The following QTGAL variants were observed in gnomAD, a reference collection of about 807,000 sequenced individuals.
QTGAL encodes queuosine-tRNA galactosyltransferase.
chr17:83,015,368 A>G, the QTGAL span, among the ~76,000 whole-genome samples: 2 of 152,266 alleles, frequency 1.3e-5, no homozygotes, highest in African/African-American at 4.8e-5. This position sits in a 1 kb window ranked among gnomAD's most constrained non-coding sequence, Gnocchi z 4.4. Context: ...ACACACACAG[A>G]CATGCTCACG....
chr17:82,964,838 A>G, the QTGAL span, among the ~76,000 whole-genome samples: 9 of 53,458 alleles, frequency 1.7e-4, 1 homozygote, highest in South Asian at 7.2e-4. Flanking sequence ...CCCCACGGGG[A>G]GGACGGGGAC....
At chr17:83,013,708 G>T in the QTGAL span, among the ~76,000 whole-genome samples, 2 of 152,122 alleles carry the variant, frequency 1.3e-5, no homozygotes, top group Admixed American at 6.5e-5. Flanking sequence ...ACAGCCCCGC[G>T]GGGGGAGGGC....
the QTGAL span, chr17:82,956,928 G>A: frequency 3.0e-6 from 3 of 1,016,894 alleles, no homozygotes; most frequent in Non-Finnish European, 4.5e-6. The surrounding 1 kb of genome is among the most constrained non-coding windows in gnomAD (Gnocchi z 5.7). Context: ...GGTGTTCAGA[G>A]CAGGAACCCG....
chr17:83,005,917 C>T, the QTGAL span: 1 of 1,337,734 alleles, frequency 7.5e-7, no homozygotes, highest in Non-Finnish European at 9.6e-7. This position sits in a 1 kb window ranked among gnomAD's most constrained non-coding sequence, Gnocchi z 5.6. Context: ...GCACTCAGCC[C>T]TGGCTCTGTT....
the QTGAL span, among the ~76,000 whole-genome samples, chr17:82,972,298 A>G: frequency 0.035 from 667 of 19,154 alleles, 3 homozygotes; most frequent in African/African-American, 0.086. Context: ...AGGACCTGGT[A>G]CTGACCACAC....
chr17:82,981,462 G>A, the QTGAL span: 1 of 152,226 alleles, frequency 6.6e-6, no homozygotes, highest in African/African-American at 2.4e-5. Flanking sequence ...TTTCCAGGCT[G>A]GCTGAAAAAT....
At chr17:83,005,727 TC>T in the QTGAL span, 1 of 744,356 alleles carries the variant, frequency 1.3e-6, no homozygotes, top group Non-Finnish European at 2.3e-6. The surrounding 1 kb of genome is among the most constrained non-coding windows in gnomAD (Gnocchi z 5.6). Flanking sequence ...GACAACCCTC[TC>T]CCCGGGCATC....
At chr17:82,973,678 C>T in the QTGAL span, among the ~76,000 whole-genome samples, 2 of 152,174 alleles carry the variant, frequency 1.3e-5, no homozygotes, top group Non-Finnish European at 2.9e-5. Flanking sequence ...GGGAACCACA[C>T]ACTGAGTTCG....
the QTGAL span, among the ~76,000 whole-genome samples, chr17:83,015,751 A>T: frequency 6.6e-6 from 1 of 152,202 alleles, no homozygotes; most frequent in East Asian, 1.9e-4. This position sits in a 1 kb window ranked among gnomAD's most constrained non-coding sequence, Gnocchi z 4.4. Context: ...CCCTCACAGG[A>T]GCGCAAACCC....
At chr17:83,005,101 G>A in the QTGAL span, 29 of 1,589,988 alleles carry the variant, frequency 1.8e-5, no homozygotes, top group African/African-American at 2.7e-5. The surrounding 1 kb of genome is among the most constrained non-coding windows in gnomAD (Gnocchi z 5.6). Context: ...CAGACAAGGC[G>A]CCAGGCGAGG....
At chr17:82,992,102 C>T in the QTGAL span, among the ~76,000 whole-genome samples, 3 of 151,936 alleles carry the variant, frequency 2.0e-5, no homozygotes, top group African/African-American at 7.3e-5. Flanking sequence ...GAGTTATTGG[C>T]CCTAAAAAGG....
the QTGAL span, among the ~76,000 whole-genome samples, chr17:82,974,810 G>A: frequency 6.6e-6 from 1 of 152,246 alleles, no homozygotes; most frequent in African/African-American, 2.4e-5. Flanking sequence ...CTGGGAACCA[G>A]TGTCTGCACG....
chr17:83,037,223 C>A, the QTGAL span, among the ~76,000 whole-genome samples: 1 of 152,210 alleles, frequency 6.6e-6, no homozygotes, highest in African/African-American at 2.4e-5. This position sits in a 1 kb window ranked among gnomAD's most constrained non-coding sequence, Gnocchi z 5.2. Flanking sequence ...CCCGTCTCCA[C>A]TACAAGGAGG....
At chr17:83,015,728 C>T in the QTGAL span, among the ~76,000 whole-genome samples, 3 of 152,214 alleles carry the variant, frequency 2.0e-5, no homozygotes, top group Admixed American at 1.3e-4. The surrounding 1 kb of genome is among the most constrained non-coding windows in gnomAD (Gnocchi z 4.4). Flanking sequence ...GTCAGAGCAG[C>T]GGCTGCATTA....
chr17:83,007,130 C>G, the QTGAL span: 13 of 832,070 alleles, frequency 1.6e-5, no homozygotes, highest in South Asian at 7.1e-4. Flanking sequence ...GTATTTTGCT[C>G]ATTTTCTAAT....
the QTGAL span, among the ~76,000 whole-genome samples, chr17:82,969,004 G>C: frequency 1.3e-5 from 2 of 151,824 alleles, no homozygotes; most frequent in Admixed American, 1.3e-4. Context: ...CGTGGTGGCA[G>C]GTGCCTGTAG....
At chr17:83,008,631 G>A in the QTGAL span, among the ~76,000 whole-genome samples, 10 of 152,178 alleles carry the variant, frequency 6.6e-5, no homozygotes, top group Non-Finnish European at 1.3e-4. Context: ...CACGTGACAC[G>A]GTGCTCTGGG....
chr17:82,976,188 A>G, the QTGAL span, among the ~76,000 whole-genome samples: 7 of 40,596 alleles, frequency 1.7e-4, no homozygotes, highest in East Asian at 1.0e-3. Context: ...CCCAGGGACC[A>G]GAGGCCACTA....
the QTGAL span, chr17:83,014,658 T>C: frequency 1.1e-6 from 1 of 903,678 alleles, no homozygotes. Context: ...CGGCTTCAAC[T>C]GATCCTCTCG....
Sources: gnomAD v4.1 joint callset for allele counts (sites outside exome capture counted in the v4.1 genomes callset) on GRCh38, gnomAD v4.1.1 for gene constraint, Gnocchi (gnomAD v3.1) non-coding constraint, MANE v1.5 for transcripts, NCBI Gene and HGNC (gene_info 2026-07-23, HGNC 2026-07-21) for gene names.